The following CPS1 variants were observed in gnomAD, a reference collection of about 807,000 sequenced individuals.
CPS1 encodes carbamoyl-phosphate synthase 1.
CPS1 carries 109 observed loss-of-function variants against 174.6 expected under a neutral mutation model. The ratio of observed to expected loss-of-function variants is 0.62; its 90% confidence interval spans 0.53 to 0.73. The LOEUF (loss-of-function observed/expected upper bound fraction) is 0.73. CPS1 is among the 30% of genes least tolerant of loss of function. The pLI, the probability that CPS1 is intolerant of heterozygous loss-of-function variation, is 0.00. For missense variants in CPS1, 1,689 were observed against 1,821.9 expected, an observed-to-expected ratio of 0.93 and a Z score of 1.33; for synonymous variants, 637 against 632.0, an observed-to-expected ratio of 1.01 and a Z score of -0.12.
At chr2:210,661,031 A>G (rs1700902724) in intron 32 of CPS1, among the ~76,000 whole-genome samples, 1 of 152,224 alleles carries the variant, frequency 6.6e-6, no homozygotes, top group Non-Finnish European at 1.5e-5. Flanking sequence ...AAAAAGGGTT[A>G]GCCTGTGGGG....
At chr2:210,540,283 A>T (rs910422454) in intron 1 of CPS1, among the ~76,000 whole-genome samples, 2 of 152,156 alleles carry the variant, frequency 1.3e-5, no homozygotes, top group African/African-American at 2.4e-5. Context: ...AAACCACCCA[A>T]AAGAAATAGG....
At chr2:210,572,010 A>T (rs1553508846) in intron 1 of CPS1, among the ~76,000 whole-genome samples, 1 of 150,154 alleles carries the variant, frequency 6.7e-6, no homozygotes, top group Non-Finnish European at 1.5e-5. Flanking sequence ...AAGAATTAGT[A>T]TTTTTTTTTG....
chr2:210,486,365 ATGTCTT>A (rs1307163576), intron 1 of CPS1, among the ~76,000 whole-genome samples: 1 of 152,052 alleles, frequency 6.6e-6, no homozygotes, highest in Non-Finnish European at 1.5e-5. Context: ...ATTCTCTTAA[ATGTCTT>A]TGAAGAGCAT....
intron 1 of CPS1, among the ~76,000 whole-genome samples, chr2:210,478,049 A>G (rs890480932): frequency 6.6e-6 from 1 of 152,156 alleles, no homozygotes; most frequent in Non-Finnish European, 1.5e-5. Flanking sequence ...ACTACAAATA[A>G]TATTCTTGGA....
At chr2:210,648,452 A>G in intron 26 of CPS1, 21 bp from the exon 27 acceptor site, 1 of 1,596,694 alleles carries the variant, frequency 6.3e-7, no homozygotes, top group Non-Finnish European at 8.6e-7. Context: ...ATACATTTTT[A>G]TTGTTGTTTC....
At chr2:210,599,661 A>T in intron 14 of CPS1, 100 bp downstream of exon 14, 1 of 1,324,134 alleles carries the variant, frequency 7.6e-7, no homozygotes, top group Admixed American at 1.8e-5. Flanking sequence ...GTGTGTTCAT[A>T]AAACCTTTCC....
At chr2:210,608,723 T>C (rs1224603062) in intron 19 of CPS1, among the ~76,000 whole-genome samples, 164 bp downstream of exon 19, 1 of 151,930 alleles carries the variant, frequency 6.6e-6, no homozygotes, top group Non-Finnish European at 1.5e-5. Context: ...CATACTAATA[T>C]GCTAACAGTC....
chr2:210,515,061 G>A (rs994690559), intron 1 of CPS1, among the ~76,000 whole-genome samples: 1 of 151,722 alleles, frequency 6.6e-6, no homozygotes, highest in Non-Finnish European at 1.5e-5. Context: ...TCATCATGGT[G>A]AATTAACTTT....
At chr2:210,639,832 G>C (rs1700160551) in intron 23 of CPS1, among the ~76,000 whole-genome samples, 164 bp from the exon 24 acceptor site, 1 of 152,008 alleles carries the variant, frequency 6.6e-6, no homozygotes, top group Admixed American at 6.6e-5. Flanking sequence ...AATAAGTAGG[G>C]CTTGTATAAC....
chr2:210,499,312 A>T (rs1695081324), intron 1 of CPS1, among the ~76,000 whole-genome samples: 1 of 152,144 alleles, frequency 6.6e-6, no homozygotes. Context: ...CAGAAATGAT[A>T]CACATAAACC....
chr2:210,489,028 G>A (rs1331324941), intron 1 of CPS1, among the ~76,000 whole-genome samples: 2 of 152,104 alleles, frequency 1.3e-5, no homozygotes, highest in Non-Finnish European at 2.9e-5. Flanking sequence ...TAAGAATTAT[G>A]AAAATTTATT....
intron 1 of CPS1, among the ~76,000 whole-genome samples, chr2:210,531,762 G>A (rs866378267): frequency 2.0e-5 from 3 of 152,234 alleles, no homozygotes; most frequent in South Asian, 2.1e-4. Context: ...TTAGCTAGAT[G>A]GTAGGATCTC....
intron 1 of CPS1, among the ~76,000 whole-genome samples, chr2:210,558,657 C>T (rs936936650): frequency 6.6e-6 from 1 of 151,852 alleles, no homozygotes; most frequent in Non-Finnish European, 1.5e-5. Flanking sequence ...CCCCAGAAAC[C>T]GCGAAATTGA....
rs1022831372 is a variant in CPS1 at position 210,573,039 on chromosome 2, A to G, written c.127-259A>G. On this transcript the variant is annotated intron_variant, in intron 1 of 37. Coordinates refer to ENST00000233072, the MANE Select transcript of CPS1 (RefSeq NM_001875.5). ...TTTCTGGCTTGTTAACAACTCTACA[A>G]GTAAACTTAGAATAGACAATGTATC... 7.9e-5 allele frequency among the ~76,000 whole-genome samples: 12 copies of G among 152,182 alleles called. 1 individual carries two copies. The highest frequency in any genetic ancestry group is 2.9e-4 in the African/African-American group (12 of 41,544).
rs755060253 is a variant in CPS1 at position 210,677,924 on chromosome 2, G to A, written c.4442G>A (p.Arg1481His). The change falls in exon 38 of 38, where the codon CGC (arginine) becomes CAC (histidine). Residue 1481 changes from arginine (R) to histidine (H), a missense_variant. By Grantham distance (29) the Arg-to-His change is conservative. Coordinates refer to ENST00000233072, the MANE Select transcript of CPS1 (RefSeq NM_001875.5). Reference sequence around the variant, plus strand: ...TTTGCTGAAGCTGTGCAGAAATCTCGCAAGGTGGACTCCAAGAGTCTTTTC... The same window carrying A: ...TTTGCTGAAGCTGTGCAGAAATCTCACAAGGTGGACTCCAAGAGTCTTTTC... Reference protein sequence around the residue: ...KLFAEAVQKSRKVDSKSLFHY... With the variant: ...KLFAEAVQKSHKVDSKSLFHY... The A allele has an allele frequency of 2.9e-5, 47 of 1,613,886 alleles. No individual in the cohort carries two copies. In the South Asian group the frequency reaches 3.6e-4, roughly 12 times the overall value.
intron 1 of CPS1, among the ~76,000 whole-genome samples, chr2:210,483,837 A>G (rs1358184521): frequency 2.0e-5 from 3 of 152,194 alleles, no homozygotes; most frequent in Non-Finnish European, 4.4e-5. Flanking sequence ...GGTTGGCCTT[A>G]CCTGGATATG....
intron 1 of CPS1, among the ~76,000 whole-genome samples, chr2:210,505,496 A>G (rs996725982): frequency 5.5e-4 from 83 of 152,172 alleles, no homozygotes; most frequent in African/African-American, 1.9e-3. Flanking sequence ...TGCATTTCCA[A>G]CTGAGGTACT....
intron 1 of CPS1, among the ~76,000 whole-genome samples, chr2:210,528,952 A>C (rs940091256): frequency 1.3e-5 from 2 of 151,548 alleles, no homozygotes; most frequent in African/African-American, 4.8e-5. Flanking sequence ...AGAAAATAGT[A>C]GTGTCGTGAG....
intron 5 of CPS1, among the ~76,000 whole-genome samples, chr2:210,581,101 A>G (rs1697908884): frequency 6.6e-6 from 1 of 152,080 alleles, no homozygotes; most frequent in East Asian, 1.9e-4. Flanking sequence ...TCCTGAGAAT[A>G]GGTGTTAGTG....
Sources: gnomAD v4.1 joint callset for allele counts (sites outside exome capture counted in the v4.1 genomes callset) on GRCh38, gnomAD v4.1.1 for gene constraint, MANE v1.5 for transcripts, NCBI Gene and HGNC (gene_info 2026-07-23, HGNC 2026-07-21) for gene names.